STAG1: variants seen among roughly 807,000 people sequenced by gnomAD.
STAG1 encodes the protein STAG1 cohesin complex component.
In STAG1, 26 loss-of-function variants were observed where a neutral mutation model predicts 170.9. That is an observed-to-expected ratio of 0.15 (90% CI 0.11 to 0.21). STAG1 has a LOEUF of 0.21. STAG1 is among the 10% of genes least tolerant of loss of function. The pLI is 1.00. For synonymous variants in STAG1, 514 were observed against 497.7 expected (o/e 1.03, Z -0.44); for missense variants, 964 against 1,509.5 (o/e 0.64, Z 5.99).
intron 4 of STAG1, among the ~76,000 whole-genome samples, chr3:136,580,306 T>C (rs1460811504): frequency 6.6e-6 from 1 of 150,912 alleles, no homozygotes; most frequent in Non-Finnish European, 1.5e-5. Context: ...ATTACTTAGA[T>C]AAAAATAAAA....
intron 4 of STAG1, among the ~76,000 whole-genome samples, chr3:136,577,280 T>C (rs1937500342): frequency 6.6e-6 from 1 of 152,290 alleles, no homozygotes; most frequent in Non-Finnish European, 1.5e-5. Context: ...TCCTAGAATG[T>C]CTCATTTCTT....
At chr3:136,666,710 C>T (rs1941792536) in intron 1 of STAG1, among the ~76,000 whole-genome samples, 1 of 151,794 alleles carries the variant, frequency 6.6e-6, no homozygotes, top group Admixed American at 6.6e-5. Context: ...ATCCCAGCTA[C>T]TCAGGAGACT....
At chr3:136,561,616 G>C (rs1005306475) in intron 5 of STAG1, among the ~76,000 whole-genome samples, 1 of 152,022 alleles carries the variant, frequency 6.6e-6, no homozygotes, top group African/African-American at 2.4e-5. Context: ...TGATTCTCCT[G>C]AGTTTTCTAA....
intron 1 of STAG1, among the ~76,000 whole-genome samples, chr3:136,631,342 AT>A: frequency 6.6e-6 from 1 of 152,362 alleles, no homozygotes; most frequent in African/African-American, 2.4e-5. Context: ...ACCATATGAC[AT>A]TTTGGAAAAG....
intron 1 of STAG1, among the ~76,000 whole-genome samples, chr3:136,638,238 A>T (rs1423208897): frequency 6.6e-6 from 1 of 150,660 alleles, no homozygotes; most frequent in Non-Finnish European, 1.5e-5. Context: ...GATTCAAGCG[A>T]TTCTCCTGCC....
intron 7 of STAG1, among the ~76,000 whole-genome samples, chr3:136,508,881 C>T (rs1286160752): frequency 1.3e-5 from 2 of 151,952 alleles, no homozygotes; most frequent in African/African-American, 2.4e-5. Context: ...TGTGTGCGCG[C>T]GTGCGCGAGA....
At chr3:136,564,987 AAGGAAGGAAGGAAGGAAGGAAGGAAGGC>A (rs1937000895) in intron 5 of STAG1, among the ~76,000 whole-genome samples, 1 of 81,170 alleles carries the variant, frequency 1.2e-5, no homozygotes, top group African/African-American at 6.7e-5. Flanking sequence ...GGAAGGAAGG[AAGGAAGGAAGGAAGGAAGGAAGGAAGGC>A]AGGCAGGCAG....
intron 2 of STAG1, among the ~76,000 whole-genome samples, chr3:136,624,304 G>A (rs1939996439): frequency 6.6e-6 from 1 of 151,980 alleles, no homozygotes; most frequent in Non-Finnish European, 1.5e-5. Flanking sequence ...GTTTCACCGT[G>A]TTAGCCAGGA....
At chr3:136,645,688 G>A (rs978971197) in intron 1 of STAG1, among the ~76,000 whole-genome samples, 4 of 152,142 alleles carry the variant, frequency 2.6e-5, no homozygotes, top group Non-Finnish European at 5.9e-5. Context: ...CAACTATCTG[G>A]AACATAGCTG....
intron 1 of STAG1, among the ~76,000 whole-genome samples, chr3:136,694,955 T>G (rs1250572860): frequency 6.6e-6 from 1 of 152,108 alleles, no homozygotes; most frequent in Non-Finnish European, 1.5e-5. Flanking sequence ...ATAGAAAAAG[T>G]TTGAATTTCT....
chr3:136,690,554 A>G (rs564480149), intron 1 of STAG1, among the ~76,000 whole-genome samples: 1 of 152,214 alleles, frequency 6.6e-6, no homozygotes, highest in South Asian at 2.1e-4. Context: ...ATTTGTTCCT[A>G]TAACATTTTA....
intron 4 of STAG1, among the ~76,000 whole-genome samples, chr3:136,579,703 G>A (rs1411932945): frequency 6.6e-6 from 1 of 152,136 alleles, no homozygotes; most frequent in Admixed American, 6.5e-5. Flanking sequence ...GTGTCCACCA[G>A]GCTCTGAATT....
chr3:136,677,215 C>T lies in STAG1; in HGVS notation c.-83-46234G>A, dbSNP rs778553258. ...ATGTACTATATGTAATTGTATACGT[C>T]CCATACTTTTATTGTAAGACTGGCA... On this transcript the variant is annotated intron_variant, in intron 1 of 33. Coordinates refer to ENST00000383202, the MANE Select transcript of STAG1 (RefSeq NM_005862.3). Among the ~76,000 whole-genome samples, 9 of 152,188 alleles carry T rather than the reference C, an allele frequency of 5.9e-5. No individual in the cohort carries two copies. The East Asian group carries it at 1.5e-3, about 26-fold the overall frequency.
intron 6 of STAG1, among the ~76,000 whole-genome samples, chr3:136,525,273 A>G (rs1934945924): frequency 6.6e-6 from 1 of 151,926 alleles, no homozygotes; most frequent in South Asian, 2.1e-4. Context: ...CAATTTCAGA[A>G]CCTGTTATTG....
At position 136,743,665 on chromosome 3, in the gene STAG1, A is replaced by T. The variant is rs1235842545; in HGVS notation, c.-84+8530T>A. 4.6e-5 allele frequency among the ~76,000 whole-genome samples: 7 copies of T among 152,164 alleles called. 1 individual carries two copies. Among genetic ancestry groups the T allele is most frequent in the Non-Finnish European group, 1.5e-5 (1 of 68,034 alleles). ...TGGCTTATCACTGGTACATTCTAAA[A>T]TTCAAGGAAGAATAACACTATTACA... On this transcript the variant is annotated intron_variant, in intron 1 of 33. Transcript: ENST00000383202.
At chr3:136,744,647 A>C (rs1934843808) in intron 1 of STAG1, among the ~76,000 whole-genome samples, 1 of 149,712 alleles carries the variant, frequency 6.7e-6, no homozygotes, top group African/African-American at 2.5e-5. Flanking sequence ...GTGAGTCGTG[A>C]CATTTCTTAG....
chr3:136,596,939 C>T (rs1208310550), intron 4 of STAG1, among the ~76,000 whole-genome samples: 3 of 152,068 alleles, frequency 2.0e-5, no homozygotes, highest in Non-Finnish European at 4.4e-5. Context: ...GCCAGGCGTA[C>T]TGGCGCATGC....
intron 1 of STAG1, among the ~76,000 whole-genome samples, chr3:136,650,255 G>T (rs574794298): frequency 2.3e-4 from 35 of 150,032 alleles, no homozygotes; most frequent in Middle Eastern, 3.5e-3. Flanking sequence ...AAAAAAGAGA[G>T]AGAGACAGGA....
intron 28 of STAG1, among the ~76,000 whole-genome samples, chr3:136,354,659 TA>T (rs908281077): frequency 6.8e-6 from 1 of 147,522 alleles, no homozygotes; most frequent in African/African-American, 2.5e-5. Flanking sequence ...GGAAAATAAC[TA>T]AAAAAATACA....
Sources: gnomAD v4.1 joint callset for allele counts (sites outside exome capture counted in the v4.1 genomes callset) on GRCh38, gnomAD v4.1.1 for gene constraint, MANE v1.5 for transcripts, NCBI Gene and HGNC (gene_info 2026-07-23, HGNC 2026-07-21) for gene names.